Variants in SEMA5A observed in about 807,000 individuals in gnomAD.
The protein encoded by SEMA5A is semaphorin 5A, also known as semaphorin-5A.
Under a neutral mutation model 135.5 loss-of-function variants are expected in SEMA5A, and 55 were observed. That is an observed-to-expected ratio of 0.41 (90% CI 0.33 to 0.51). The LOEUF (loss-of-function observed/expected upper bound fraction) is 0.51, where lower values mean the gene tolerates loss of function less well. SEMA5A is among the 20% of genes least tolerant of loss of function. SEMA5A has a pLI of 0.37. For synonymous variants in SEMA5A, 580 were observed against 546.5 expected (o/e 1.06, Z -0.85); for missense variants, 1,290 against 1,419.9 (o/e 0.91, Z 1.47).
intron 11 of SEMA5A, among the ~76,000 whole-genome samples, chr5:9,173,639 C>A (rs1744048943): frequency 6.6e-6 from 1 of 152,130 alleles, no homozygotes; most frequent in African/African-American, 2.4e-5. Context: ...CTAAAGGCTC[C>A]ACCTCCAGAT....
rs562052595 is a variant in SEMA5A, at chr5:9,476,002, C to T, written c.-174-38150G>A. Among the ~76,000 whole-genome samples, 5 of 152,214 alleles carry T rather than the reference C, an allele frequency of 3.3e-5. No individual in the cohort carries two copies. In the South Asian group the frequency reaches 1.0e-3, roughly 32 times the overall value. Reference sequence around the variant, plus strand: ...TCCATGCATTAATGATCAAAAATACCTATGCAAGGAGATATTAGGCTATAC... The same window carrying T: ...TCCATGCATTAATGATCAAAAATACTTATGCAAGGAGATATTAGGCTATAC... On this transcript the variant is annotated intron_variant, in intron 1 of 22. Coordinates refer to ENST00000382496, the MANE Select transcript of SEMA5A (RefSeq NM_003966.3).
chr5:9,250,486 A>G (rs1163403230), intron 5 of SEMA5A, among the ~76,000 whole-genome samples: 2 of 152,206 alleles, frequency 1.3e-5, no homozygotes, highest in African/African-American at 4.8e-5. Context: ...AATCTTCCAA[A>G]ATAGCAAAGT....
At chr5:9,480,385 G>A (rs1759830843) in intron 1 of SEMA5A, among the ~76,000 whole-genome samples, 1 of 152,064 alleles carries the variant, frequency 6.6e-6, no homozygotes, top group Non-Finnish European at 1.5e-5. Flanking sequence ...CAACTGACTG[G>A]AGAATATTAA....
chr5:9,381,981 T>TGTGTGTGTGTGTGCGC (rs1411451751), intron 2 of SEMA5A, among the ~76,000 whole-genome samples: 1 of 99,920 alleles, frequency 1.0e-5, no homozygotes, highest in Non-Finnish European at 2.1e-5. Flanking sequence ...TGTGTGTGTG[T>TGTGTGTGTGTGTGCGC]GCGCGCGCGC....
At chr5:9,282,338 C>G (rs2150566810) in intron 5 of SEMA5A, among the ~76,000 whole-genome samples, 1 of 152,270 alleles carries the variant, frequency 6.6e-6, no homozygotes, top group South Asian at 2.1e-4. Flanking sequence ...GAGGCCAAAA[C>G]TGATTCAAGC....
At chr5:9,481,883 C>T (rs2126780279) in intron 1 of SEMA5A, among the ~76,000 whole-genome samples, 1 of 152,276 alleles carries the variant, frequency 6.6e-6, no homozygotes, top group East Asian at 1.9e-4. Flanking sequence ...ATTTCTTATG[C>T]ACACACACAT....
At chr5:9,353,891 C>A (rs1754325167) in intron 3 of SEMA5A, among the ~76,000 whole-genome samples, 1 of 151,872 alleles carries the variant, frequency 6.6e-6, no homozygotes, top group East Asian at 1.9e-4. Flanking sequence ...TCACTGGCCT[C>A]ACCCCCAGGC....
chr5:9,230,875 C>T (rs186378406), intron 6 of SEMA5A, among the ~76,000 whole-genome samples: 140 of 152,206 alleles, frequency 9.2e-4, no homozygotes, highest in African/African-American at 3.2e-3. Context: ...GGGTGGTATT[C>T]GAGTTTCTTC....
At chr5:9,206,423 A>G (rs953043852) in intron 8 of SEMA5A, among the ~76,000 whole-genome samples, 1 of 152,130 alleles carries the variant, frequency 6.6e-6, no homozygotes, top group Non-Finnish European at 1.5e-5. Context: ...GACTACCGAG[A>G]AGTGACTCAC....
rs1033751642 is a variant in SEMA5A at position 9,206,652 on chromosome 5, A to T, written c.647-4412T>A. On this transcript the variant is annotated intron_variant, in intron 8 of 22. Transcript: ENST00000382496. ...GTTCTTGATATAAAAATATTTGTACACAATGGGAATGAATATTAAAGGCAC... is the reference window on the plus strand; with the variant it reads ...GTTCTTGATATAAAAATATTTGTACTCAATGGGAATGAATATTAAAGGCAC... Among the ~76,000 whole-genome samples, 5 of 152,158 alleles carry T rather than the reference A, an allele frequency of 3.3e-5. No individual in the cohort carries two copies. In the South Asian group the frequency reaches 1.0e-3, roughly 32 times the overall value.
intron 2 of SEMA5A, among the ~76,000 whole-genome samples, chr5:9,434,669 T>C (rs1757970307): frequency 6.6e-6 from 1 of 152,256 alleles, no homozygotes; most frequent in South Asian, 2.1e-4. Context: ...GCAATTTGCT[T>C]TCTCAGTTAA....
chr5:9,134,135 T>C (rs1741596600), intron 13 of SEMA5A, among the ~76,000 whole-genome samples: 1 of 152,154 alleles, frequency 6.6e-6, no homozygotes, highest in African/African-American at 2.4e-5. Flanking sequence ...GTCAATTAAA[T>C]CTCTATACCT....
At chr5:9,099,192 C>T (rs572385612) in intron 16 of SEMA5A, among the ~76,000 whole-genome samples, 29 of 152,154 alleles carry the variant, frequency 1.9e-4, no homozygotes, top group East Asian at 3.9e-4. Context: ...AGCTTGATTG[C>T]GAAACTTTCA....
chr5:9,126,859 C>G (rs1452356464), intron 13 of SEMA5A, among the ~76,000 whole-genome samples: 1 of 152,156 alleles, frequency 6.6e-6, no homozygotes, highest in Admixed American at 6.5e-5. Flanking sequence ...GCAATGTTAT[C>G]TATAGGGGTG....
chr5:9,336,597 G>A (rs576759189), intron 4 of SEMA5A, among the ~76,000 whole-genome samples: 3 of 152,180 alleles, frequency 2.0e-5, no homozygotes, highest in Non-Finnish European at 2.9e-5. Flanking sequence ...CGTCAAAAGA[G>A]GTGAAGGTAA....
chr5:9,175,611 T>C (rs1346678589), intron 11 of SEMA5A, among the ~76,000 whole-genome samples: 3 of 152,200 alleles, frequency 2.0e-5, no homozygotes, highest in African/African-American at 7.2e-5. Flanking sequence ...ATTTTTCTTT[T>C]TCATTATACA....
At chr5:9,437,215 G>A (rs1758064200) in intron 2 of SEMA5A, among the ~76,000 whole-genome samples, 1 of 152,238 alleles carries the variant, frequency 6.6e-6, no homozygotes, top group Non-Finnish European at 1.5e-5. Context: ...AAGATGCTAA[G>A]AAGCATCTAA....
At chr5:9,364,236 T>G (rs1360909133) in intron 3 of SEMA5A, among the ~76,000 whole-genome samples, 4 of 152,218 alleles carry the variant, frequency 2.6e-5, no homozygotes, top group African/African-American at 9.6e-5. Context: ...AAAATCTGAA[T>G]TAAATCAGAG....
chr5:9,413,492 T>C lies in SEMA5A; in HGVS notation c.-78+24264A>G, dbSNP rs1195997605. On this transcript the variant is annotated intron_variant, in intron 2 of 22. Coordinates refer to ENST00000382496, the MANE Select transcript of SEMA5A (RefSeq NM_003966.3). The stretch of plus-strand genomic sequence containing the variant: ...AAACGGGCTGTTATACACTGGCATA[T>C]TGGGCAAAGCCTTCTGGTATATTCC... Among the ~76,000 whole-genome samples, 7 of 152,140 alleles carry C rather than the reference T, an allele frequency of 4.6e-5. 1 individual carries two copies. The highest frequency in any genetic ancestry group is 3.3e-4 in the Admixed American group (5 of 15,268).
Sources: gnomAD v4.1 joint callset for allele counts (sites outside exome capture counted in the v4.1 genomes callset) on GRCh38, gnomAD v4.1.1 for gene constraint, MANE v1.5 for transcripts, NCBI Gene and HGNC (gene_info 2026-07-23, HGNC 2026-07-21) for gene names.